SYCP2L: variants seen among roughly 807,000 people sequenced by gnomAD.
The protein encoded by SYCP2L is synaptonemal complex protein 2 like, also known as synaptonemal complex protein 2-like.
SYCP2L carries 98 observed loss-of-function variants against 125.8 expected under a neutral mutation model. The observed-to-expected ratio is 0.78, with a 90% CI of 0.66 to 0.92. SYCP2L has a LOEUF of 0.92. Ranked by LOEUF, SYCP2L falls within the 40% of genes least tolerant of loss-of-function variation. The pLI is 0.00. For synonymous variants in SYCP2L, 317 were observed against 325.4 expected (o/e 0.97, Z 0.28); for missense variants, 842 against 936.4 (o/e 0.90, Z 1.32).
intron 11 of SYCP2L, among the ~76,000 whole-genome samples, 174 bp from the exon 12 acceptor site, chr6:10,910,650 G>T (rs1305344720): frequency 6.6e-6 from 1 of 152,158 alleles, no homozygotes; most frequent in Non-Finnish European, 1.5e-5. Context: ...GCCAGATGGA[G>T]ATTTGAAATC....
intron 20 of SYCP2L, among the ~76,000 whole-genome samples, chr6:10,931,826 G>A (rs112065424): frequency 0.028 from 4,272 of 152,110 alleles, 205 homozygotes; most frequent in African/African-American, 0.095. Context: ...TTAGCCAGGC[G>A]TGGTAGCACA....
intron 1 of SYCP2L, 25 bp from the exon 2 acceptor site, chr6:10,891,488 A>G (rs1405610220): frequency 4.1e-6 from 6 of 1,452,780 alleles, no homozygotes; most frequent in Non-Finnish European, 5.6e-6. Context: ...AAAATTGTTT[A>G]AAAACATGTT....
chr6:10,964,540 A>C (rs1230667037), intron 29 of SYCP2L, among the ~76,000 whole-genome samples: 1 of 152,192 alleles, frequency 6.6e-6, no homozygotes, highest in Admixed American at 6.5e-5. Flanking sequence ...TTTCTTTGAC[A>C]TTGACATTTT....
intron 23 of SYCP2L, among the ~76,000 whole-genome samples, chr6:10,949,702 T>C (rs1405997222): frequency 6.7e-6 from 1 of 148,346 alleles, no homozygotes; most frequent in Non-Finnish European, 1.5e-5. Context: ...TTCTTTTGGC[T>C]AATATTTACC....
chr6:10,891,682 T>C, intron 2 of SYCP2L, 101 bp downstream of exon 2: 1 of 777,200 alleles, frequency 1.3e-6, no homozygotes, highest in Middle Eastern at 4.1e-4. Context: ...TATGAGTGTA[T>C]GTATTCTTTC....
intron 1 of SYCP2L, among the ~76,000 whole-genome samples, chr6:10,890,653 C>T (rs1166598237): frequency 6.6e-6 from 1 of 152,170 alleles, no homozygotes; most frequent in Non-Finnish European, 1.5e-5. Flanking sequence ...TGTCTCTTCA[C>T]TCTATTATTT....
intron 14 of SYCP2L, 88 bp from the exon 15 acceptor site, chr6:10,924,408 C>A (rs1780862256): frequency 9.1e-7 from 1 of 1,097,696 alleles, no homozygotes; most frequent in Non-Finnish European, 1.2e-6. Flanking sequence ...TGGACAAATA[C>A]CCTAGCGTAG....
Position 10,891,582 on chromosome 6 carries a change from G to T in SYCP2L, c.78+1G>T. Reference sequence around the variant, plus strand: ...GAAGGCCCAGGATGATGCTTTCTGGGTAAAGATCAAGTTTCTTTTATAATC... The same window carrying T: ...GAAGGCCCAGGATGATGCTTTCTGGTTAAAGATCAAGTTTCTTTTATAATC... On this transcript the variant is annotated splice_donor_variant, in intron 2 of 29. Transcript: ENST00000283141. LOFTEE classifies it high-confidence loss of function. 6.4e-7 allele frequency: 1 copy of T among 1,573,660 alleles called. No individual in the cohort carries two copies. The highest frequency in any genetic ancestry group is 8.7e-7 in the Non-Finnish European group (1 of 1,147,094).
rs1267697065 is a variant in SYCP2L, at chr6:10,973,002, T to TTA, written c.*38-950_*38-949insTA. ...ACAGCACTCCCCAAAAGTGGGGGCT[T>TTA]CTGTTAATAAGGAAACAGGGGAGAA... On this transcript the variant is annotated intron_variant, in intron 29 of 29. Transcript: ENST00000283141. 2.0e-5 allele frequency among the ~76,000 whole-genome samples: 3 copies of TTA among 152,230 alleles called. No individual in the cohort carries two copies. In the South Asian group the frequency reaches 6.2e-4, roughly 31 times the overall value.
intron 4 of SYCP2L, among the ~76,000 whole-genome samples, chr6:10,896,638 T>C (rs1165535943): frequency 6.6e-6 from 1 of 152,228 alleles, no homozygotes; most frequent in African/African-American, 2.4e-5. Context: ...CAATCTAGTA[T>C]AAGTATTTGT....
chr6:10,928,419 C>T lies in SYCP2L; in HGVS notation c.1457C>T (p.Pro486Leu), dbSNP rs183225088. ...ASDSHLQPVP[P>L]FGVPDFPQQP... is the part of the protein sequence containing the mutation. The stretch of plus-strand genomic sequence containing the variant: ...CTGCCATAGCTTCAGCCGGTCCCTC[C>T]GTTCGGGGTCCCTGACTTCCCGCAA... The change falls in exon 18 of 30, where the codon CCG (proline) becomes CTG (leucine). Residue 486 changes from proline (P) to leucine (L), a missense_variant. Coordinates refer to ENST00000283141, the MANE Select transcript of SYCP2L (RefSeq NM_001040274.3). The T allele has an allele frequency of 3.1e-4, 493 of 1,577,542 alleles. 4 individuals carry two copies. The East Asian group carries it at 9.0e-3, about 29-fold the overall frequency.
At chr6:10,919,012 T>G (rs558075692) in intron 14 of SYCP2L, among the ~76,000 whole-genome samples, 22 of 152,236 alleles carry the variant, frequency 1.4e-4, no homozygotes, top group Admixed American at 5.9e-4. Context: ...ACATTGGGCT[T>G]CACCTTTCTC....
At chr6:10,904,957 C>T (rs1371193850) in intron 8 of SYCP2L, among the ~76,000 whole-genome samples, 2 of 151,710 alleles carry the variant, frequency 1.3e-5, no homozygotes, top group East Asian at 3.9e-4. Context: ...GCCTGACCAA[C>T]ATGGTGAAGC....
rs114201655 is a variant in SYCP2L, at chr6:10,960,464, G to A, written c.2256-841G>A. ...AGAGTGAGGTGAGGATGAGTTTTAG[G>A]TGCTTTTCATTGAAACATTTGACCT... On this transcript the variant is annotated intron_variant, in intron 26 of 29. Transcript: ENST00000283141. 6.1e-3 allele frequency among the ~76,000 whole-genome samples: 927 copies of A among 152,250 alleles called. 2 individuals carry two copies. Among genetic ancestry groups the A allele is most frequent in the African/African-American group, 0.012 (508 of 41,550 alleles).
At chr6:10,927,170 A>G (rs541658803) in intron 16 of SYCP2L, 70 bp from the exon 17 acceptor site, 1 of 1,582,288 alleles carries the variant, frequency 6.3e-7, no homozygotes, top group Non-Finnish European at 8.6e-7. Flanking sequence ...GGGACATCCC[A>G]TGAAGACCAC....
intron 14 of SYCP2L, among the ~76,000 whole-genome samples, chr6:10,921,824 G>A (rs1780804139): frequency 6.6e-6 from 1 of 151,502 alleles, no homozygotes; most frequent in Admixed American, 6.6e-5. Context: ...TTCTGCCTCA[G>A]CCTCCCGAGT....
At chr6:10,889,021 C>G (rs143370765) in intron 1 of SYCP2L, among the ~76,000 whole-genome samples, 100 of 152,182 alleles carry the variant, frequency 6.6e-4, no homozygotes, top group African/African-American at 2.3e-3. Flanking sequence ...GCCACTGCGC[C>G]CAGCTAATTT....
At chr6:10,959,017 T>C (rs1781552117) in intron 26 of SYCP2L, 142 bp downstream of exon 26, 1 of 693,022 alleles carries the variant, frequency 1.4e-6, no homozygotes, top group South Asian at 1.8e-5. Context: ...CCCTTCTGGG[T>C]TTCCGGTTCT....
chr6:10,927,359 G>A lies in SYCP2L; in HGVS notation c.1432G>A (p.Asp478Asn), dbSNP rs141851646. The part of the protein sequence containing the change: ...EPPVIGEPAS[D>N]SHLQPVPPFG... ...ACCTGTTATTGGGGAACCTGCCTCT[G>A]ATAGTCACGTAGGTTCTTTTCTATT... Residue 478 changes from aspartate (D) to asparagine (N), a missense_variant, in exon 17 of 30, where the codon GAT becomes AAT. Physicochemically the swap from Asp to Asn is conservative, Grantham distance 23. Coordinates refer to ENST00000283141, the MANE Select transcript of SYCP2L (RefSeq NM_001040274.3). The A allele has an allele frequency of 4.2e-3, 6,812 of 1,611,830 alleles. 14 individuals are homozygous for A. Among genetic ancestry groups the A allele is most frequent in the Non-Finnish European group, 5.1e-3 (5,976 of 1,178,532 alleles).
Sources: gnomAD v4.1 joint callset for allele counts (sites outside exome capture counted in the v4.1 genomes callset) on GRCh38, gnomAD v4.1.1 for gene constraint, MANE v1.5 for transcripts, NCBI Gene and HGNC (gene_info 2026-07-23, HGNC 2026-07-21) for gene names.